PRSS16: variants seen among roughly 807,000 people sequenced by gnomAD.
PRSS16 encodes the protein serine protease 16.
Under a neutral mutation model 61.7 loss-of-function variants are expected in PRSS16, and 43 were observed. That is an observed-to-expected ratio of 0.70 (90% CI 0.55 to 0.90). The LOEUF (loss-of-function observed/expected upper bound fraction) is 0.90. Among genes scored for constraint, PRSS16 ranks in the 40% least tolerant of loss-of-function variants. The probability of loss-of-function intolerance (pLI) is 0.00; values close to 1 mark genes in which losing one functional copy is unlikely to be tolerated. For missense variants in PRSS16, 591 were observed against 659.1 expected (o/e 0.90, Z 1.13); for synonymous variants, 273 against 285.2 (o/e 0.96, Z 0.43).
Position 27,251,813 on chromosome 6 carries a change from GC to G in PRSS16, c.782del (p.Ala261ValfsTer9). 1 of 1,610,876 alleles carries G rather than the reference GC, an allele frequency of 6.2e-7. No individual in the cohort carries two copies. The highest frequency in any genetic ancestry group is 8.5e-7 in the Non-Finnish European group (1 of 1,179,450). Reference protein sequence around the residue: ...VERRLRSGGAAQAALRTELSA... With the variant: ...VERRLRSGGAXQAALRTELSA... ...GCGGCGGCTGCGCTCGGGTGGGGCG[GC>G]TCAAGCAGCATTGCGGACGGAGCTG... On this transcript the variant is annotated frameshift_variant, in exon 8 of 12. Coordinates refer to ENST00000230582, the MANE Select transcript of PRSS16 (RefSeq NM_005865.4). LOFTEE classifies it high-confidence loss of function. The surrounding 1 kb of genome is among the most constrained non-coding windows in gnomAD (Gnocchi z 5.6).
intron 9 of PRSS16, 138 bp from the exon 10 acceptor site, chr6:27,254,555 G>C (rs1228482919): frequency 2.4e-6 from 2 of 826,636 alleles, no homozygotes; most frequent in African/African-American, 1.7e-5. Context: ...GTGTGAGTCT[G>C]TCTGCCAGGA....
intron 4 of PRSS16, among the ~76,000 whole-genome samples, chr6:27,250,028 G>T (rs1418686191): frequency 1.3e-5 from 2 of 151,958 alleles, no homozygotes; most frequent in East Asian, 3.9e-4. Flanking sequence ...TTTCCTCATT[G>T]GTATCTCTGT....
chr6:27,253,190 C>G (rs1283788548), intron 9 of PRSS16: 1 of 533,198 alleles, frequency 1.9e-6, no homozygotes, highest in East Asian at 3.2e-5. Flanking sequence ...TCAGCCTATT[C>G]TTTCTCTGTG....
In PRSS16 at chr6:27,252,366, G is replaced by GA. The variant is rs1217662837; in HGVS notation, c.1008+332dup. On this transcript the variant is annotated intron_variant, in intron 8 of 11. Coordinates refer to ENST00000230582, the MANE Select transcript of PRSS16 (RefSeq NM_005865.4). The surrounding 1 kb of genome is among the most constrained non-coding windows in gnomAD (Gnocchi z 4.2). ...CTCACTTAGTATTTTTAGAATGAAT[G>GA]AAAAAATGTTATCTCTGGGGATAGG... is the stretch of plus-strand genomic sequence containing the variant. 4 of 411,622 alleles carry GA rather than the reference G, an allele frequency of 9.7e-6. No individual in the cohort carries two copies. Among genetic ancestry groups the GA allele is most frequent in the Admixed American group, 8.1e-5 (2 of 24,550 alleles). The allele number at this position is 411,622 out of a possible 1,614,324, so 25.5% of individuals were successfully genotyped here. A position where few individuals can be genotyped will look rare whatever the true frequency, so the allele number is the denominator to read the frequency against.
At chr6:27,250,490 T>C (rs1759854639) in intron 4 of PRSS16, among the ~76,000 whole-genome samples, 193 bp from the exon 5 acceptor site, 1 of 152,092 alleles carries the variant, frequency 6.6e-6, no homozygotes, top group African/African-American at 2.4e-5. Flanking sequence ...AGGGTCTCCC[T>C]TGGCCTAGGC....
chr6:27,252,423 A>C lies in PRSS16; in HGVS notation c.1008+383A>C, dbSNP rs1481637202. 2.0e-5 allele frequency among the ~76,000 whole-genome samples: 3 copies of C among 152,192 alleles called. No homozygotes were observed. The highest frequency in any genetic ancestry group is 4.4e-5 in the Non-Finnish European group (3 of 68,028). On this transcript the variant is annotated intron_variant, in intron 8 of 11. Coordinates refer to ENST00000230582, the MANE Select transcript of PRSS16 (RefSeq NM_005865.4). This position sits in a 1 kb window ranked among gnomAD's most constrained non-coding sequence, Gnocchi z 4.2. ...CTAGGTACCTGGGACTGCAGCCTCT[A>C]AATCCACAACTGCAATCCAGCTGTC...
intron 9 of PRSS16, 65 bp downstream of exon 9, chr6:27,253,014 T>C: frequency 6.2e-7 from 1 of 1,606,398 alleles, no homozygotes; most frequent in Non-Finnish European, 8.5e-7. Flanking sequence ...CCCAGAGAAG[T>C]CATCTTACAG....
chr6:27,251,147 A>G lies in PRSS16; in HGVS notation c.669+28A>G. On this transcript the variant is annotated intron_variant, in intron 6 of 11. Transcript: ENST00000230582. The surrounding 1 kb of genome is among the most constrained non-coding windows in gnomAD (Gnocchi z 5.6). ...AAGGATGGCGGGCAGCAGGTGCGGG[A>G]CGGGGAGGGGTCCCAGCGGGCGGAG... is the stretch of plus-strand genomic sequence containing the variant. 2 of 1,613,962 alleles carry G rather than the reference A, an allele frequency of 1.2e-6. No homozygotes were observed. Among genetic ancestry groups the G allele is most frequent in the Non-Finnish European group, 8.5e-7 (1 of 1,180,008 alleles).
chr6:27,251,287 A>C lies in PRSS16; in HGVS notation c.717+23A>C, dbSNP rs1264152151. ...GAGGTAGGAGGTGGGGCCTAGTCCG[A>C]GGGGGACTGGGAGGGAAAAGAGGCC... On this transcript the variant is annotated intron_variant, in intron 7 of 11. Transcript: ENST00000230582. This position sits in a 1 kb window ranked among gnomAD's most constrained non-coding sequence, Gnocchi z 5.6. The C allele has an allele frequency of 1.1e-5, 17 of 1,587,888 alleles. No individual in the cohort carries two copies. In the African/African-American group the frequency reaches 1.3e-4, roughly 13 times the overall value.
intron 4 of PRSS16, among the ~76,000 whole-genome samples, chr6:27,249,562 C>T (rs544368102): frequency 2.0e-4 from 31 of 152,314 alleles, no homozygotes; most frequent in South Asian, 1.0e-3. Flanking sequence ...CTGCCCTTGA[C>T]TTCCAGGTGG....
chr6:27,248,315 T>C (rs909890720), intron 2 of PRSS16, among the ~76,000 whole-genome samples: 1 of 151,956 alleles, frequency 6.6e-6, no homozygotes, highest in Non-Finnish European at 1.5e-5. Context: ...TCACATTCAC[T>C]GCTCCTCCCT....
At chr6:27,250,929 A>G (rs1759872256) in intron 5 of PRSS16, 113 bp from the exon 6 acceptor site, 11 of 1,563,668 alleles carry the variant, frequency 7.0e-6, no homozygotes, top group African/African-American at 2.7e-5. Context: ...AGAATTTTGC[A>G]CAAGCTGTCC....
In PRSS16 at chr6:27,254,821, T is replaced by C; in HGVS notation, c.1279T>C (p.Ser427Pro). The stretch of plus-strand genomic sequence containing the variant: ...AGCCCAGGCTGTGGCTCAGACGAAC[T>C]CCTACTACGGTGGCCAGACCCCTGG... ...SVAQAVAQTN[S>P]YYGGQTPGAN... Residue 427 changes from serine to proline, a missense_variant, in exon 10 of 12, where the codon TCC becomes CCC. By Grantham distance (74) the Ser-to-Pro change is moderately conservative (BLOSUM62 -1). Coordinates refer to ENST00000230582, the MANE Select transcript of PRSS16 (RefSeq NM_005865.4). 1 of 1,614,180 alleles carries C rather than the reference T, an allele frequency of 6.2e-7. No homozygotes were observed. The highest frequency in any genetic ancestry group is 8.5e-7 in the Non-Finnish European group (1 of 1,180,032).
rs1245646109 is a variant in PRSS16 at position 27,251,226 on chromosome 6, C to G, written c.679C>G (p.Arg227Gly). Reference protein sequence around the residue: ...DFSEYNDVVSRSLMSTAIGGS... With the variant: ...DFSEYNDVVSGSLMSTAIGGS... ...TGCGGTCCGCCCACAGGTGGTATCCCGAAGCCTAATGAGCACCGCGATCGG... is the reference window on the plus strand; with the variant it reads ...TGCGGTCCGCCCACAGGTGGTATCCGGAAGCCTAATGAGCACCGCGATCGG... Residue 227 changes from arginine to glycine, a missense_variant, in exon 7 of 12, where the codon CGA (arginine) becomes GGA (glycine). Coordinates refer to ENST00000230582, the MANE Select transcript of PRSS16 (RefSeq NM_005865.4). This position sits in a 1 kb window ranked among gnomAD's most constrained non-coding sequence, Gnocchi z 5.6. 1.9e-6 allele frequency: 3 copies of G among 1,612,230 alleles called. No individual in the cohort carries two copies. Among genetic ancestry groups the G allele is most frequent in the Non-Finnish European group, 2.5e-6 (3 of 1,178,918 alleles).
Position 27,251,601 on chromosome 6 carries a change from G to C in PRSS16, c.718-149G>C. On this transcript the variant is annotated intron_variant, in intron 7 of 11. Transcript: ENST00000230582. This position sits in a 1 kb window ranked among gnomAD's most constrained non-coding sequence, Gnocchi z 5.6. ...GGCAGGGGATTGGGGGCGGGGGCCT[G>C]GGGGCGGGGGCCTGGGCCAAGAGCT... 1 of 1,027,390 alleles carries C rather than the reference G, an allele frequency of 9.7e-7. No homozygotes were observed. Among genetic ancestry groups the C allele is most frequent in the Non-Finnish European group, 1.3e-6 (1 of 742,978 alleles). 63.6% of individuals were successfully genotyped at this position (1,027,390 alleles called of 1,614,324 possible). A position where few individuals can be genotyped will look rare whatever the true frequency, so the allele number is the denominator to read the frequency against.
Position 27,248,847 on chromosome 6 carries a change from C to A in PRSS16, c.238C>A (p.Arg80Ser). The change falls in exon 3 of 12, where the codon CGT becomes AGT. Residue 80 changes from arginine (R) to serine (S), a missense_variant and splice_region_variant. Physicochemically the swap from Arg to Ser is moderately radical, Grantham distance 110. Transcript: ENST00000230582. ...NVSDRRSFLQ[R>S]YWVNDQHWVG... ...TCTTCTTCCCCATCCCACCTCTCAG[C>A]GTTACTGGGTGAATGACCAACATTG... 3 of 1,597,418 alleles carry A rather than the reference C, an allele frequency of 1.9e-6. No individual in the cohort carries two copies. The highest frequency in any genetic ancestry group is 2.6e-6 in the Non-Finnish European group (3 of 1,169,908).
intron 2 of PRSS16, 45 bp from the exon 3 acceptor site, chr6:27,248,802 A>G (rs777669363): frequency 1.6e-6 from 2 of 1,289,362 alleles, no homozygotes; most frequent in Admixed American, 1.9e-5. Flanking sequence ...AGAATAAGTC[A>G]GGACTCTCAC....
In PRSS16 at chr6:27,251,494, A is replaced by T. The variant is rs1041607195; in HGVS notation, c.717+230A>T. ...GCGGGGTTTGGGCAGGGACAATCCTATCCGGAGGTGAGGCTCAAGGTGGGG... is the reference window on the plus strand; with the variant it reads ...GCGGGGTTTGGGCAGGGACAATCCTTTCCGGAGGTGAGGCTCAAGGTGGGG... On this transcript the variant is annotated intron_variant, in intron 7 of 11. Coordinates refer to ENST00000230582, the MANE Select transcript of PRSS16 (RefSeq NM_005865.4). This position sits in a 1 kb window ranked among gnomAD's most constrained non-coding sequence, Gnocchi z 5.6. 4.1e-6 allele frequency: 3 copies of T among 725,968 alleles called. No homozygotes were observed. The highest frequency in any genetic ancestry group is 6.5e-6 in the Non-Finnish European group (3 of 460,580). The allele number at this position is 725,968 out of a possible 1,614,324, so 45.0% of individuals were successfully genotyped here.
rs758131090 is a variant in PRSS16 at position 27,251,734 on chromosome 6, C to T, written c.718-16C>T. ...CAGCCTAAGTCTTGGCGGACATCGCCTCTTGCTTCCCACAGTGCCGGGCGG... is the reference window on the plus strand; with the variant it reads ...CAGCCTAAGTCTTGGCGGACATCGCTTCTTGCTTCCCACAGTGCCGGGCGG... On this transcript the variant is annotated splice_polypyrimidine_tract_variant and intron_variant, in intron 7 of 11. Coordinates refer to ENST00000230582, the MANE Select transcript of PRSS16 (RefSeq NM_005865.4). The surrounding 1 kb of genome is among the most constrained non-coding windows in gnomAD (Gnocchi z 5.6). 3.8e-6 allele frequency: 6 copies of T among 1,584,058 alleles called. No individual in the cohort carries two copies. In the South Asian group the frequency reaches 4.5e-5, roughly 12 times the overall value.
Sources: allele counts gnomAD v4.1 joint callset (sites outside exome capture counted in the v4.1 genomes callset), GRCh38; gene constraint gnomAD v4.1.1; non-coding constraint Gnocchi (gnomAD v3.1); transcripts MANE v1.5; gene names NCBI Gene and HGNC (gene_info 2026-07-23, HGNC 2026-07-21).